The following SYBU variants were observed in gnomAD, a reference collection of about 807,000 sequenced individuals.
SYBU encodes syntabulin.
Under a neutral mutation model 35.9 loss-of-function variants are expected in SYBU, and 21 were observed. That is an observed-to-expected ratio of 0.58 (90% confidence interval 0.41 to 0.84). The LOEUF (loss-of-function observed/expected upper bound fraction) is 0.84, where lower values mean the gene tolerates loss of function less well. Among genes scored for constraint, SYBU ranks in the 40% least tolerant of loss-of-function variants. SYBU has a pLI of 0.00. For synonymous variants in SYBU, 319 were observed against 324.3 expected (o/e 0.98, Z 0.18); for missense variants, 768 against 848.2 (o/e 0.91, Z 1.17).
intron 1 of SYBU, among the ~76,000 whole-genome samples, chr8:109,669,805 A>G (rs1276262014): frequency 6.6e-6 from 1 of 152,230 alleles, no homozygotes; most frequent in Non-Finnish European, 1.5e-5. Flanking sequence ...GTCTTTGTTC[A>G]AGCGATATTG....
intron 1 of SYBU, among the ~76,000 whole-genome samples, chr8:109,675,068 A>G (rs922837111): frequency 3.9e-5 from 6 of 152,228 alleles, no homozygotes; most frequent in Admixed American, 2.6e-4. Flanking sequence ...TAAGGCAGAA[A>G]TAAATAAGTT....
chr8:109,659,644 CATTTAA>C (rs1279383352), intron 1 of SYBU, among the ~76,000 whole-genome samples: 2 of 152,160 alleles, frequency 1.3e-5, no homozygotes, highest in South Asian at 4.1e-4. Flanking sequence ...TTCTGCCTGC[CATTTAA>C]AACTCTCCCA....
chr8:109,679,544 G>T (rs984252410), intron 1 of SYBU, among the ~76,000 whole-genome samples: 2 of 152,182 alleles, frequency 1.3e-5, no homozygotes, highest in East Asian at 3.8e-4. Flanking sequence ...TAGTTTGTCC[G>T]CACAATAATG....
intron 1 of SYBU, among the ~76,000 whole-genome samples, chr8:109,655,437 A>G (rs1284826818): frequency 6.6e-6 from 1 of 152,268 alleles, no homozygotes; most frequent in African/African-American, 2.4e-5. Context: ...ATAGCAATTC[A>G]AAAGAATTTT....
rs1213115595 is a variant in SYBU at position 109,575,660 on chromosome 8, C to CCAT, written c.1235_1237dup (p.Asp412dup). 2 of 1,613,960 alleles carry CCAT rather than the reference C, an allele frequency of 1.2e-6. No individual in the cohort carries two copies. The highest frequency in any genetic ancestry group is 1.7e-6 in the Non-Finnish European group (2 of 1,180,020). On this transcript the variant is annotated inframe_insertion, in exon 7 of 7. Coordinates refer to ENST00000276646, the MANE Select transcript of SYBU (RefSeq NM_001099754.2). ...CGTGACCTGCTCTTCCAGAGATAAC[C>CCAT]CATCTGCCATTGTGTCAAGAGGGGG... is the stretch of plus-strand genomic sequence containing the variant.
Position 109,574,859 on chromosome 8 carries a change from C to A in SYBU, c.*47G>T. ...ATTGACTTCCTGTTTCTCTACCTGG[C>A]ACAACCCACATGGGACACATTGGCA... On this transcript the variant is annotated 3_prime_UTR_variant, in exon 7 of 7. Transcript: ENST00000276646. 1 of 1,497,138 alleles carries A rather than the reference C, an allele frequency of 6.7e-7. No homozygotes were observed. The highest frequency in any genetic ancestry group is 2.3e-5 in the East Asian group (1 of 43,598). 92.7% of individuals were successfully genotyped at this position (1,497,138 alleles called of 1,614,324 possible).
At chr8:109,579,750 T>G (rs1822790745) in intron 5 of SYBU, 49 bp downstream of exon 5, 1 of 1,533,418 alleles carries the variant, frequency 6.5e-7, no homozygotes, top group Admixed American at 1.7e-5. Flanking sequence ...AAGAAAAGCT[T>G]ACCAAGTAGG....
In SYBU at chr8:109,618,990, G is replaced by A. The variant is rs183810284; in HGVS notation, c.279C>T (p.Pro93=). The stretch of plus-strand genomic sequence containing the variant: ...CAATGGGGCTGTTTCCAGCATCTGA[G>A]GGTGTCTTCACAGGAGACACTGACT... ...SSQSVSPVKT[P]SDAGNSPIGF... Residue 93 remains proline, a synonymous_variant, in exon 3 of 7, where the codon CCC becomes CCT. Coordinates refer to ENST00000276646, the MANE Select transcript of SYBU (RefSeq NM_001099754.2). The A allele has an allele frequency of 6.2e-7, 1 of 1,614,138 alleles. No homozygotes were observed. Among genetic ancestry groups the A allele is most frequent in the Non-Finnish European group, 8.5e-7 (1 of 1,179,986 alleles).
chr8:109,670,232 T>A (rs1039111756), intron 1 of SYBU, among the ~76,000 whole-genome samples: 2 of 152,070 alleles, frequency 1.3e-5, no homozygotes, highest in East Asian at 1.9e-4. Context: ...AATTCTACTT[T>A]AAAACTTTTT....
chr8:109,679,843 C>T (rs976422683), intron 1 of SYBU, among the ~76,000 whole-genome samples: 1 of 152,210 alleles, frequency 6.6e-6, no homozygotes, highest in Admixed American at 6.5e-5. Flanking sequence ...CTGGTACCCA[C>T]TTAATGCCAA....
intron 3 of SYBU, among the ~76,000 whole-genome samples, chr8:109,595,249 A>G (rs1033668590): frequency 6.6e-6 from 1 of 152,182 alleles, no homozygotes; most frequent in African/African-American, 2.4e-5. Flanking sequence ...CAAGCATGAA[A>G]ATAAAAAAAA....
chr8:109,648,041 A>T (rs975117072), upstream of SYBU: 5 of 152,122 alleles, frequency 3.3e-5, no homozygotes, highest in Admixed American at 6.6e-5. Context: ...CATCAAAGAG[A>T]TATAATCTAA....
intron 2 of SYBU, among the ~76,000 whole-genome samples, chr8:109,627,681 G>T (rs1228189799): frequency 6.6e-6 from 1 of 152,116 alleles, no homozygotes; most frequent in Non-Finnish European, 1.5e-5. Context: ...TTCAAGTTAT[G>T]TTTGTTCCAA....
intron 3 of SYBU, among the ~76,000 whole-genome samples, chr8:109,618,054 C>A (rs900511370): frequency 2.0e-5 from 3 of 152,200 alleles, no homozygotes; most frequent in Non-Finnish European, 4.4e-5. Context: ...AGGACTCATG[C>A]AAGCCAGTAA....
At chr8:109,629,084 A>C (rs1013004621) in intron 2 of SYBU, among the ~76,000 whole-genome samples, 1 of 152,194 alleles carries the variant, frequency 6.6e-6, no homozygotes, top group Non-Finnish European at 1.5e-5. Context: ...ATGGAAACCA[A>C]AGAGAGGAAG....
chr8:109,645,009 G>C (rs897650101), upstream of SYBU: 15 of 487,450 alleles, frequency 3.1e-5, no homozygotes, highest in Non-Finnish European at 5.0e-5. Context: ...GCCAGAGCCG[G>C]TGTCCCTCCC....
At chr8:109,657,690 C>T (rs1272335487) in intron 1 of SYBU, among the ~76,000 whole-genome samples, 1 of 152,154 alleles carries the variant, frequency 6.6e-6, no homozygotes, top group African/African-American at 2.4e-5. Flanking sequence ...AACTTCTTGC[C>T]TAGAGAGCTG....
intron 3 of SYBU, among the ~76,000 whole-genome samples, chr8:109,588,600 C>CTT (rs1401308467): frequency 6.6e-6 from 1 of 152,102 alleles, no homozygotes; most frequent in African/African-American, 2.4e-5. Flanking sequence ...TCAGTGAACT[C>CTT]TTTTTAAGGG....
chr8:109,671,944 C>T (rs1010945244), intron 1 of SYBU, among the ~76,000 whole-genome samples: 5 of 152,032 alleles, frequency 3.3e-5, no homozygotes, highest in Non-Finnish European at 5.9e-5. Context: ...TCTTGTTGCC[C>T]AGGCTGGAGT....
Sources: allele counts gnomAD v4.1 joint callset (sites outside exome capture counted in the v4.1 genomes callset), GRCh38; gene constraint gnomAD v4.1.1; transcripts MANE v1.5; gene names NCBI Gene and HGNC (gene_info 2026-07-23, HGNC 2026-07-21).